The following POTEE variants were observed in gnomAD, a reference collection of about 807,000 sequenced individuals.
POTEE encodes the protein POTE ankyrin domain family member E, also known as ANKRD26-like family C member 1A.
In POTEE, 21 loss-of-function variants were observed where a neutral mutation model predicts 74.2. That is an observed-to-expected ratio of 0.28 (90% CI 0.20 to 0.41). The LOEUF (loss-of-function observed/expected upper bound fraction) is 0.41, where lower values mean the gene tolerates loss of function less well. POTEE is among the 10% of genes least tolerant of loss of function. The pLI is 1.00. For synonymous variants in POTEE, 211 were observed against 432.8 expected (o/e 0.49, Z 6.36); for missense variants, 525 against 1,158.6 (o/e 0.45, Z 7.94).
rs1700790391 is a variant in POTEE, at chr2:131,226,720, C to T, written c.811-103C>T. On this transcript the variant is annotated intron_variant, in intron 6 of 17. Transcript: ENST00000683005. ...GAAGCGAGTACATTTTATTTACTTTCTATGCGTGTAAGTCCATAAGATCTT... is the reference window on the plus strand; with the variant it reads ...GAAGCGAGTACATTTTATTTACTTTTTATGCGTGTAAGTCCATAAGATCTT... 1.9e-6 allele frequency: 3 copies of T among 1,556,924 alleles called. No individual in the cohort carries two copies. In the South Asian group the frequency reaches 3.5e-5, roughly 18 times the overall value.
intron 9 of POTEE, among the ~76,000 whole-genome samples, chr2:131,233,313 C>A (rs1305615966): frequency 4.0e-5 from 6 of 151,704 alleles, no homozygotes; most frequent in Non-Finnish European, 8.8e-5. Context: ...AGTGTGAAAG[C>A]CACCATGATT....
chr2:131,257,041 C>A (rs1240690301), intron 16 of POTEE, among the ~76,000 whole-genome samples: 1 of 139,912 alleles, frequency 7.1e-6, no homozygotes, highest in East Asian at 2.3e-4. Context: ...ATAAAAGTTT[C>A]TTTGTATTAA....
intron 4 of POTEE, among the ~76,000 whole-genome samples, chr2:131,221,347 G>A (rs1458426537): frequency 6.6e-6 from 1 of 152,144 alleles, no homozygotes; most frequent in Non-Finnish European, 1.5e-5. Context: ...TATAACAAGT[G>A]AGAAAAAAAT....
At chr2:131,217,786 GCGCACGC>G (rs1234283916) in intron 3 of POTEE, among the ~76,000 whole-genome samples, 103 bp downstream of exon 3, 9 of 138,688 alleles carry the variant, frequency 6.5e-5, no homozygotes, top group African/African-American at 2.4e-4. Context: ...GCACGCGCAC[GCGCACGC>G]CCGGCAGCAG....
intron 4 of POTEE, among the ~76,000 whole-genome samples, chr2:131,219,582 A>G (rs1315098379): frequency 1.3e-5 from 2 of 152,146 alleles, no homozygotes; most frequent in East Asian, 3.9e-4. Flanking sequence ...AAAAATATAA[A>G]AAAAATTAGC....
At chr2:131,211,558 T>TC (rs1380241077) in intron 2 of POTEE, among the ~76,000 whole-genome samples, 7 of 46,328 alleles carry the variant, frequency 1.5e-4, no homozygotes, top group African/African-American at 3.8e-4. Context: ...TTTTTTTTTT[T>TC]TTTTTTTTTT....
chr2:131,264,830 GA>G lies in POTEE; in HGVS notation c.*149del. 1 of 633,680 alleles carries G rather than the reference GA, an allele frequency of 1.6e-6. No individual in the cohort carries two copies. The highest frequency in any genetic ancestry group is 2.8e-6 in the Non-Finnish European group (1 of 359,732). The allele number at this position is 633,680 out of a possible 1,614,324, so 39.3% of individuals were successfully genotyped here. On this transcript the variant is annotated 3_prime_UTR_variant, in exon 18 of 18. Transcript: ENST00000683005. ...GGCTTGACTCAGGATTTAAAAACCGGAATGGTGAAGGTGACAGCAGTCGGTT... is the reference window on the plus strand; with the variant it reads ...GGCTTGACTCAGGATTTAAAAACCGGATGGTGAAGGTGACAGCAGTCGGTT...
intron 4 of POTEE, among the ~76,000 whole-genome samples, chr2:131,221,408 CAT>C (rs1211402117): frequency 1.3e-5 from 2 of 152,142 alleles, no homozygotes; most frequent in African/African-American, 4.8e-5. Flanking sequence ...TAGCTGAAAA[CAT>C]GTAGAAAATA....
At chr2:131,262,709 C>G (rs1215626557) in intron 17 of POTEE, among the ~76,000 whole-genome samples, 1 of 152,084 alleles carries the variant, frequency 6.6e-6, no homozygotes, top group Non-Finnish European at 1.5e-5. Context: ...TAAATGAGTT[C>G]AGTATTATAT....
At chr2:131,213,580 T>C (rs1032174695) in intron 2 of POTEE, among the ~76,000 whole-genome samples, 2 of 150,300 alleles carry the variant, frequency 1.3e-5, no homozygotes, top group South Asian at 2.2e-4. Flanking sequence ...CCAGAGTTGA[T>C]GGGGTGCAGT....
At position 131,263,393 on chromosome 2, in the gene POTEE, T is replaced by C. The variant is rs762395798; in HGVS notation, c.1938T>C (p.His646=). ...LSCKKEKDVL[H]ENSTLREEIA... is the part of the protein sequence containing the mutation. ...GTAAGAAAGAAAAAGACGTCTTGCA[T>C]GAAAATAGTACGTTGCGGGAAGAAA... is the stretch of plus-strand genomic sequence containing the variant. The change falls in exon 18 of 18, where the codon CAT becomes CAC. Residue 646 remains histidine, a synonymous_variant. Transcript: ENST00000683005. 8 of 1,611,636 alleles carry C rather than the reference T, an allele frequency of 5.0e-6. No individual in the cohort carries two copies. Among genetic ancestry groups the C allele is most frequent in the Non-Finnish European group, 6.8e-6 (8 of 1,179,834 alleles).
intron 2 of POTEE, among the ~76,000 whole-genome samples, chr2:131,214,633 T>C (rs2105059913): frequency 6.6e-6 from 1 of 152,306 alleles, no homozygotes; most frequent in African/African-American, 2.4e-5. Flanking sequence ...GAAGCTCTAA[T>C]GCCTTTTATT....
At position 131,218,519 on chromosome 2, in the gene POTEE, C is replaced by T. The variant is rs1167560290; in HGVS notation, c.117C>T (p.Gly39=). The change falls in exon 4 of 18, where the codon GGC becomes GGT. Residue 39 remains glycine (G), a synonymous_variant. Coordinates refer to ENST00000683005, the MANE Select transcript of POTEE (RefSeq NM_001083538.3). Reference sequence around the variant, plus strand: ...GCTTCCCCTGCTACAGGGAGAGCGGCAAGAGCAACGTGGGCACTTCTGGAG... The same window carrying T: ...GCTTCCCCTGCTACAGGGAGAGCGGTAAGAGCAACGTGGGCACTTCTGGAG... ...CRCFPCYRES[G]KSNVGTSGDH... 1.9e-6 allele frequency: 3 copies of T among 1,613,064 alleles called. No homozygotes were observed. The highest frequency in any genetic ancestry group is 2.5e-6 in the Non-Finnish European group (3 of 1,179,842).
At position 131,263,389 on chromosome 2, in the gene POTEE, T is replaced by G; in HGVS notation, c.1934T>G (p.Leu645Trp). 2 of 1,611,778 alleles carry G rather than the reference T, an allele frequency of 1.2e-6. No individual in the cohort carries two copies. The highest frequency in any genetic ancestry group is 1.7e-6 in the Non-Finnish European group (2 of 1,179,830). ...SLSCKKEKDV[L>W]HENSTLREEI... ...AGTTGTAAGAAAGAAAAAGACGTCT[T>G]GCATGAAAATAGTACGTTGCGGGAA... Residue 645 changes from leucine (L) to tryptophan (W), a missense_variant, in exon 18 of 18, where the codon TTG becomes TGG. Physicochemically the swap from Leu to Trp is moderately conservative, Grantham distance 61 (BLOSUM62 -2). Coordinates refer to ENST00000683005, the MANE Select transcript of POTEE (RefSeq NM_001083538.3).
At chr2:131,229,680 G>C (rs1337861503) in intron 8 of POTEE, 3 of 152,174 alleles carry the variant, frequency 2.0e-5, no homozygotes, top group African/African-American at 7.2e-5. Context: ...TGCATAAGGA[G>C]GCAGCACAGA....
intron 9 of POTEE, among the ~76,000 whole-genome samples, chr2:131,233,155 G>A (rs921672678): frequency 5.3e-5 from 8 of 152,132 alleles, no homozygotes; most frequent in African/African-American, 1.7e-4. Flanking sequence ...GAGCAGGGGA[G>A]TCATAAGATT....
chr2:131,233,702 C>T (rs1701037781), intron 9 of POTEE, among the ~76,000 whole-genome samples: 2 of 149,502 alleles, frequency 1.3e-5, no homozygotes, highest in Non-Finnish European at 1.5e-5. Context: ...TAAATAAAAG[C>T]CATTTTGTAA....
rs367798457 is a variant in POTEE at position 131,237,812 on chromosome 2, G to A, written c.1198-382G>A. ...GGTAAACTCTTTTCAAGTGAGGAAG[G>A]TTTTGGAACACTACAAATCATCTGC... On this transcript the variant is annotated intron_variant, in intron 10 of 17. Transcript: ENST00000683005. Among the ~76,000 whole-genome samples, 71 of 152,326 alleles carry A rather than the reference G, an allele frequency of 4.7e-4. 1 individual carries two copies. The East Asian group carries it at 7.2e-3, about 15-fold the overall frequency.
At chr2:131,215,190 C>T (rs914944019) in intron 2 of POTEE, among the ~76,000 whole-genome samples, 74 of 152,056 alleles carry the variant, frequency 4.9e-4, no homozygotes, top group African/African-American at 1.6e-3. Flanking sequence ...TGTAGCAATG[C>T]TATCTCAAGT....
Sources: gnomAD v4.1 joint callset for allele counts (sites outside exome capture counted in the v4.1 genomes callset) on GRCh38, gnomAD v4.1.1 for gene constraint, MANE v1.5 for transcripts, NCBI Gene and HGNC (gene_info 2026-07-23, HGNC 2026-07-21) for gene names.